The following FBN2 variants were observed in gnomAD, a reference collection of about 807,000 sequenced individuals.
FBN2 encodes fibrillin-2.
In FBN2, 105 loss-of-function variants were observed where a neutral mutation model predicts 355.6. The ratio of observed to expected loss-of-function variants is 0.30; its 90% CI spans 0.25 to 0.35. The LOEUF (loss-of-function observed/expected upper bound fraction) is 0.35. FBN2 is among the 10% of genes least tolerant of loss of function. The probability of loss-of-function intolerance (pLI) is 1.00; values close to 1 mark genes in which losing one functional copy is unlikely to be tolerated. For synonymous variants in FBN2, 1,350 were observed against 1,301.2 expected, an observed-to-expected ratio of 1.04 and a Z score of -0.81; for missense variants, 3,280 against 3,758.7, an observed-to-expected ratio of 0.87 and a Z score of 3.33.
At chr5:128,376,652 A>G in intron 14 of FBN2, 79 bp downstream of exon 14, 1 of 1,516,814 alleles carries the variant, frequency 6.6e-7, no homozygotes, top group South Asian at 1.1e-5. Flanking sequence ...GGGAAGCTGA[A>G]GTAATTCTTC....
At chr5:128,336,231 A>G (rs931644194) in intron 27 of FBN2, 118 bp from the exon 28 acceptor site, 2 of 989,850 alleles carry the variant, frequency 2.0e-6, no homozygotes, top group Admixed American at 1.7e-5. Context: ...CGAGGAAGTA[A>G]AATGTTCTCC....
chr5:128,327,569 G>A (rs1408920309), intron 34 of FBN2, among the ~76,000 whole-genome samples: 7 of 115,830 alleles, frequency 6.0e-5, no homozygotes, highest in African/African-American at 2.0e-4. Flanking sequence ...TCAGCAGTTA[G>A]GTATTTTTTT....
intron 5 of FBN2, among the ~76,000 whole-genome samples, chr5:128,499,138 C>G (rs1755736635): frequency 6.6e-6 from 1 of 152,012 alleles, no homozygotes; most frequent in Admixed American, 6.5e-5. Context: ...TTGACTATTC[C>G]AAATCCAGCG....
At chr5:128,494,090 G>A (rs1434113301) in intron 5 of FBN2, among the ~76,000 whole-genome samples, 1 of 152,148 alleles carries the variant, frequency 6.6e-6, no homozygotes, top group Non-Finnish European at 1.5e-5. Flanking sequence ...TTTCAGAGGA[G>A]AGGCAAGCCA....
At chr5:128,447,437 A>G (rs2127058365) in intron 6 of FBN2, among the ~76,000 whole-genome samples, 1 of 152,264 alleles carries the variant, frequency 6.6e-6, no homozygotes, top group African/African-American at 2.4e-5. Context: ...AAGGGATGAA[A>G]TAAGCCCCGG....
chr5:128,274,091 A>AT, intron 60 of FBN2, 123 bp from the exon 61 acceptor site: 2 of 1,075,412 alleles, frequency 1.9e-6, no homozygotes, highest in Non-Finnish European at 2.8e-6. Flanking sequence ...GCATTTTGGG[A>AT]AAATTTATAC....
chr5:128,278,629 C>A lies in FBN2; in HGVS notation c.7345+6G>T. The A allele has an allele frequency of 6.2e-7, 1 of 1,612,776 alleles. No homozygotes were observed. Among genetic ancestry groups the A allele is most frequent in the South Asian group, 1.1e-5 (1 of 91,024 alleles). On this transcript the variant is annotated splice_donor_region_variant and intron_variant, in intron 57 of 64. Coordinates refer to ENST00000262464, the MANE Select transcript of FBN2 (RefSeq NM_001999.4). ...ATTATATGAATAAATTTCCTCAACT[C>A]CTTACCTCTTCCATCAGTTGTATAT...
intron 21 of FBN2, 41 bp downstream of exon 21, chr5:128,350,827 T>C: frequency 6.2e-7 from 1 of 1,605,944 alleles, no homozygotes; most frequent in Non-Finnish European, 8.5e-7. Context: ...GCAGGAGAAG[T>C]TTCCAAGGAG....
Position 128,307,147 on chromosome 5 carries a change from C to T in FBN2, c.5410G>A (p.Gly1804Arg). ...TGGAAAAACTCACCAACAGCTTTTC[C>T]TGTGTGAATGTCAAAGGTGAATCCA... ...IPGFTFDIHTGKAVDIDECKE... is the reference protein window; with the variant it reads ...IPGFTFDIHTRKAVDIDECKE... The change falls in exon 42 of 65, where the codon GGA becomes AGA. Residue 1804 changes from glycine (G) to arginine (R), a missense_variant. By Grantham distance (125) the Gly-to-Arg change is moderately radical (BLOSUM62 -2). Around this residue, in one of 6 missense-constraint regions of FBN2, gnomAD observed 2,284 missense variants for 2,749.5 expected, o/e 0.83. Transcript: ENST00000262464. 4 of 1,607,812 alleles carry T rather than the reference C, an allele frequency of 2.5e-6. No individual in the cohort carries two copies. Among genetic ancestry groups the T allele is most frequent in the Non-Finnish European group, 3.4e-6 (4 of 1,174,564 alleles).
intron 5 of FBN2, among the ~76,000 whole-genome samples, chr5:128,471,241 T>C (rs565625424): frequency 1.3e-5 from 2 of 152,088 alleles, no homozygotes; most frequent in South Asian, 4.1e-4. Flanking sequence ...TCTGTCCTTA[T>C]TATAAATGAG....
chr5:128,309,231 C>T lies in FBN2; in HGVS notation c.5353+16G>A, dbSNP rs187448568. On this transcript the variant is annotated intron_variant, in intron 41 of 64. Transcript: ENST00000262464. ...ACTGATGTGGCAGTCAGCAGATGCA[C>T]GAGCCGTGTGCTTACCTGTTCCTGG... is the stretch of plus-strand genomic sequence containing the variant. 3.2e-4 allele frequency: 516 copies of T among 1,613,720 alleles called. 2 individuals are homozygous for T. In the East Asian group the frequency reaches 5.8e-3, roughly 18 times the overall value.
At chr5:128,310,396 ATATATATTTTTTTTT>A (rs1349427686) in intron 39 of FBN2, among the ~76,000 whole-genome samples, 565 of 18,406 alleles carry the variant, frequency 0.031, 17 homozygotes, top group African/African-American at 0.097. Flanking sequence ...ATATATATAT[ATATATATTTTTTTTT>A]TTTTTTTTTT....
intron 9 of FBN2, 124 bp from the exon 10 acceptor site, chr5:128,393,492 C>G (rs1347389579): frequency 1.3e-6 from 1 of 752,278 alleles, no homozygotes; most frequent in East Asian, 2.7e-5. Flanking sequence ...AAGTAGGTTA[C>G]TATCTCAATA....
At chr5:128,448,113 C>T (rs913763200) in intron 6 of FBN2, among the ~76,000 whole-genome samples, 8 of 152,118 alleles carry the variant, frequency 5.3e-5, no homozygotes, top group Non-Finnish European at 1.2e-4. Flanking sequence ...GATTCTTTAT[C>T]ACTTTGCTGT....
intron 11 of FBN2, among the ~76,000 whole-genome samples, chr5:128,382,716 T>A (rs1003124637): frequency 6.6e-6 from 1 of 152,146 alleles, no homozygotes; most frequent in Non-Finnish European, 1.5e-5. Flanking sequence ...TGTAGTTTTC[T>A]ACTCTTTGAC....
chr5:128,463,106 A>C (rs1754602241), intron 6 of FBN2, among the ~76,000 whole-genome samples: 1 of 152,132 alleles, frequency 6.6e-6, no homozygotes. Context: ...AAACTAGTAA[A>C]TCAATATAGT....
chr5:128,437,526 G>A (rs1267326940), intron 7 of FBN2, among the ~76,000 whole-genome samples: 7 of 151,974 alleles, frequency 4.6e-5, no homozygotes. Context: ...GTTATATGGG[G>A]GCCTCATAAC....
At chr5:128,273,723 C>T (rs1220161955) in intron 61 of FBN2, 117 bp downstream of exon 61, 1 of 1,034,354 alleles carries the variant, frequency 9.7e-7, no homozygotes, top group Admixed American at 2.0e-5. Context: ...TTGCTGGGTC[C>T]TATTTTGTTC....
intron 6 of FBN2, among the ~76,000 whole-genome samples, chr5:128,460,834 T>G (rs2127078561): frequency 6.6e-6 from 1 of 152,284 alleles, no homozygotes; most frequent in East Asian, 1.9e-4. Context: ...GACCCCTTCC[T>G]TACACCTTAT....
Sources: allele counts gnomAD v4.1 joint callset (sites outside exome capture counted in the v4.1 genomes callset), GRCh38; gene constraint gnomAD v4.1.1; regional missense constraint gnomAD v4.1.1; transcripts MANE v1.5; gene names NCBI Gene and HGNC (gene_info 2026-07-23, HGNC 2026-07-21).